ABCA9: variants seen among roughly 807,000 people sequenced by gnomAD.
ABCA9 encodes ATP binding cassette subfamily A member 9.
Under a neutral mutation model 205.3 loss-of-function variants are expected in ABCA9, and 183 were observed. That is an observed-to-expected ratio of 0.89 (90% confidence interval 0.79 to 1.01). ABCA9 has a LOEUF of 1.01. Among genes scored for constraint, ABCA9 ranks in the 50% least tolerant of loss-of-function variants. ABCA9 has a pLI of 0.00. For missense variants in ABCA9, 1,805 were observed against 1,912.4 expected, an observed-to-expected ratio of 0.94 and a Z score of 1.05; for synonymous variants, 651 against 683.3, an observed-to-expected ratio of 0.95 and a Z score of 0.74.
chr17:69,038,955 C>A (rs1310823730), intron 6 of ABCA9, among the ~76,000 whole-genome samples: 1 of 152,120 alleles, frequency 6.6e-6, no homozygotes, highest in African/African-American at 2.4e-5. Flanking sequence ...AGTGAACTCC[C>A]ATTCACAATT....
chr17:69,072,868 A>G, the ABCA9 span, among the ~76,000 whole-genome samples: 1 of 152,228 alleles, frequency 6.6e-6, no homozygotes, highest in East Asian at 1.9e-4. Context: ...ACATGCAAAG[A>G]CACACATAGG....
the ABCA9 span, among the ~76,000 whole-genome samples, chr17:69,076,865 G>C: frequency 3.9e-5 from 6 of 151,912 alleles, no homozygotes; most frequent in African/African-American, 1.5e-4. Flanking sequence ...TGTCGCCTTT[G>C]TCATTTCTGA....
chr17:69,052,259 C>T (rs1002395271), intron 1 of ABCA9, among the ~76,000 whole-genome samples: 1 of 152,164 alleles, frequency 6.6e-6, no homozygotes. Context: ...TCCCAGCTAC[C>T]AGCTACTTGG....
At chr17:68,986,465 T>C in intron 31 of ABCA9, 141 bp from the exon 32 acceptor site, 1 of 823,872 alleles carries the variant, frequency 1.2e-6, no homozygotes, top group Non-Finnish European at 1.7e-6. Flanking sequence ...ATCACTTAAC[T>C]TTGGGGAAAA....
chr17:69,040,490 TGAGA>T (rs556567777), intron 6 of ABCA9, among the ~76,000 whole-genome samples: 32 of 152,078 alleles, frequency 2.1e-4, no homozygotes, highest in African/African-American at 7.5e-4. Context: ...CACTCAAAAG[TGAGA>T]GTTGAACAAT....
chr17:68,993,083 A>C lies in ABCA9; in HGVS notation c.3557T>G (p.Ile1186Ser). The C allele has an allele frequency of 6.2e-7, 1 of 1,612,802 alleles. No individual in the cohort carries two copies. Among genetic ancestry groups the C allele is most frequent in the Non-Finnish European group, 8.5e-7 (1 of 1,178,914 alleles). Reference sequence around the variant, plus strand: ...TAAGTAATCCATGGAATCAGGAGAAATCTGTAAAATGAGCAGTAAGTGTAT... The same window carrying C: ...TAAGTAATCCATGGAATCAGGAGAACTCTGTAAAATGAGCAGTAAGTGTAT... Reference protein sequence around the residue: ...LIGSLFIFSEISPDSMDYLGA... With the variant: ...LIGSLFIFSESSPDSMDYLGA... The change falls in exon 27 of 39, where the codon ATT becomes AGT. Residue 1186 changes from isoleucine to serine, a missense_variant and splice_region_variant. Transcript: ENST00000340001.
At chr17:69,045,530 T>A (rs1260014055) in intron 3 of ABCA9, among the ~76,000 whole-genome samples, 194 bp from the exon 4 acceptor site, 5 of 151,580 alleles carry the variant, frequency 3.3e-5, no homozygotes, top group African/African-American at 4.8e-5. Context: ...TGGCAAACAT[T>A]TGTATTGCAA....
At position 69,036,871 on chromosome 17, in the gene ABCA9, CAAAAAAAA is replaced by C. The variant is rs781565554; in HGVS notation, c.801-1078_801-1071del. Among the ~76,000 whole-genome samples the C allele has an allele frequency of 0.016, 74 of 4,710 alleles. No homozygotes were observed. In the South Asian group the frequency reaches 0.18, roughly 12 times the overall value. 3.1% of individuals were successfully genotyped at this position (4,710 alleles called of 152,430 possible). On this transcript the variant is annotated intron_variant, in intron 6 of 38. Coordinates refer to ENST00000340001, the MANE Select transcript of ABCA9 (RefSeq NM_080283.4). ...GAATATTTACCAAGTAAATGGAAAG[CAAAAAAAA>C]AAAAAAAAAAAAAAAAAAAGCAGAG...
chr17:69,027,337 T>G lies in ABCA9; in HGVS notation c.1904A>C (p.Asp635Ala). 1 of 1,612,846 alleles carries G rather than the reference T, an allele frequency of 6.2e-7. No homozygotes were observed. The highest frequency in any genetic ancestry group is 1.3e-5 in the African/African-American group (1 of 75,022). The change falls in exon 14 of 39, where the codon GAT (aspartate) becomes GCT (alanine). Residue 635 changes from aspartate to alanine, a missense_variant. Transcript: ENST00000340001. ...AATTTTTGTTTGACTTACTTGAGGA[T>G]CTCCTAAAATGGCAATCCCAAAAGT... ...KLTFGIAILG[D>A]PQVLLLDEPT...
At chr17:69,032,488 C>G in intron 9 of ABCA9, 1 of 423,774 alleles carries the variant, frequency 2.4e-6, no homozygotes, top group Non-Finnish European at 4.2e-6. Flanking sequence ...ACATGAGAAG[C>G]ATGTAGCATT....
chr17:68,990,650 T>G (rs1403718630), intron 29 of ABCA9, among the ~76,000 whole-genome samples, 187 bp downstream of exon 29: 1 of 152,220 alleles, frequency 6.6e-6, no homozygotes, highest in East Asian at 1.9e-4. Context: ...CCTCCCAAAG[T>G]GCATTGTGTG....
At chr17:69,059,259 C>A (rs1208518387) in intron 1 of ABCA9, among the ~76,000 whole-genome samples, 3 of 152,098 alleles carry the variant, frequency 2.0e-5, no homozygotes, top group Non-Finnish European at 4.4e-5. Context: ...GAATATGTTA[C>A]AGTACATGAC....
chr17:69,031,310 T>C (rs2071141226), intron 10 of ABCA9, among the ~76,000 whole-genome samples: 1 of 152,190 alleles, frequency 6.6e-6, no homozygotes. Flanking sequence ...GATGTCATGA[T>C]TCTTGAAAAG....
At chr17:69,003,393 A>T (rs1440938015) in intron 25 of ABCA9, among the ~76,000 whole-genome samples, 2 of 145,252 alleles carry the variant, frequency 1.4e-5, no homozygotes, top group African/African-American at 2.6e-5. Context: ...GTTTGGCTGG[A>T]TATGAAATTC....
At chr17:69,016,528 C>T (rs2070621776) in intron 21 of ABCA9, 138 bp from the exon 22 acceptor site, 1 of 734,724 alleles carries the variant, frequency 1.4e-6, no homozygotes, top group Admixed American at 3.5e-5. Context: ...ATCACTATCA[C>T]TCATAATATT....
chr17:69,017,304 T>G lies in ABCA9; in HGVS notation c.2901+352A>C, dbSNP rs909159230. Among the ~76,000 whole-genome samples, 22 of 152,040 alleles carry G rather than the reference T, an allele frequency of 1.4e-4. 1 individual carries two copies. The South Asian group carries it at 1.9e-3, about 13-fold the overall frequency. Reference sequence around the variant, plus strand: ...GAATGAGCAAAGCAGTATGCAGACATAGAAATCAGAAAAGCAAAGGCCAAG... The same window carrying G: ...GAATGAGCAAAGCAGTATGCAGACAGAGAAATCAGAAAAGCAAAGGCCAAG... On this transcript the variant is annotated intron_variant, in intron 21 of 38. Coordinates refer to ENST00000340001, the MANE Select transcript of ABCA9 (RefSeq NM_080283.4).
chr17:69,001,283 A>AAAT (rs2069856669), intron 25 of ABCA9, among the ~76,000 whole-genome samples: 1 of 151,706 alleles, frequency 6.6e-6, no homozygotes, highest in East Asian at 1.9e-4. Context: ...TATTATTTTG[A>AAAT]ATGTCCCATC....
chr17:69,048,613 T>G (rs1257576497), intron 3 of ABCA9, among the ~76,000 whole-genome samples: 1 of 152,184 alleles, frequency 6.6e-6, no homozygotes, highest in Non-Finnish European at 1.5e-5. Context: ...CATACTTACT[T>G]ATTTGGTCTA....
rs745864544 is a variant in ABCA9, at chr17:69,029,236, A to C, written c.1446-9T>G. 1 of 1,532,164 alleles carries C rather than the reference A, an allele frequency of 6.5e-7. No individual in the cohort carries two copies. The highest frequency in any genetic ancestry group is 1.2e-5 in the South Asian group (1 of 85,060). The allele number at this position is 1,532,164 out of a possible 1,614,324, so 94.9% of individuals were successfully genotyped here. A position where few individuals can be genotyped will look rare whatever the true frequency, so the allele number is the denominator to read the frequency against. The stretch of plus-strand genomic sequence containing the variant: ...TTTTAAGATTTTTGATTCTGAAAAA[A>C]AGAGGGAAATGTTTTCAGAGAATTG... On this transcript the variant is annotated splice_polypyrimidine_tract_variant and intron_variant, in intron 10 of 38. Transcript: ENST00000340001.
Sources: gnomAD v4.1 joint callset for allele counts (sites outside exome capture counted in the v4.1 genomes callset) on GRCh38, gnomAD v4.1.1 for gene constraint, MANE v1.5 for transcripts, NCBI Gene and HGNC (gene_info 2026-07-23, HGNC 2026-07-21) for gene names.